SIN3A: variants seen among roughly 807,000 people sequenced by gnomAD.
The protein encoded by SIN3A is SIN3 transcription regulator family member A.
In SIN3A, 14 loss-of-function variants were observed where a neutral mutation model predicts 146.1. The observed-to-expected ratio is 0.10, with a 90% CI of 0.06 to 0.15. The LOEUF is 0.15. SIN3A is among the 10% of genes least tolerant of loss of function. The pLI is 1.00. For missense variants in SIN3A, 1,028 were observed against 1,576.0 expected, an observed-to-expected ratio of 0.65 and a Z score of 5.89; for synonymous variants, 572 against 572.0, an observed-to-expected ratio of 1.00 and a Z score of 0.00.
chr15:75,443,538 A>T (rs1463982393), intron 1 of SIN3A: 1 of 152,140 alleles, frequency 6.6e-6, no homozygotes, highest in African/African-American at 2.4e-5. Context: ...CAACATGGCG[A>T]AACGTTCTCT....
chr15:75,432,733 A>T (rs1379306130), intron 1 of SIN3A, among the ~76,000 whole-genome samples: 1 of 149,492 alleles, frequency 6.7e-6, no homozygotes, highest in Admixed American at 6.7e-5. Context: ...ATAGGGCAGC[A>T]CTGGGTTTAA....
intron 1 of SIN3A, among the ~76,000 whole-genome samples, chr15:75,445,771 A>G (rs1472291364): frequency 6.6e-6 from 1 of 151,826 alleles, no homozygotes; most frequent in South Asian, 2.1e-4. Context: ...AAAAAAAAAA[A>G]AAAAAAGAAA....
Position 75,422,685 on chromosome 15 carries a change from C to T in SIN3A, c.328G>A (p.Ala110Thr). ...QSHAHPAPPV[A>T]PVQGQQQFQR... ...AATTGCTGCTGTCCCTGCACTGGTG[C>T]AACTGGTGGGGCTGGATGAGCATGA... Residue 110 changes from alanine (A) to threonine (T), a missense_variant, in exon 3 of 21, where the codon GCA (alanine) becomes ACA (threonine). This residue lies in a region of SIN3A where 152 missense variants were observed against 231.5 expected (regional missense o/e 0.66). Coordinates refer to ENST00000394947, the MANE Select transcript of SIN3A (RefSeq NM_001145358.2). 6.2e-7 allele frequency: 1 copy of T among 1,614,194 alleles called. No homozygotes were observed. Among genetic ancestry groups the T allele is most frequent in the Non-Finnish European group, 8.5e-7 (1 of 1,180,036 alleles).
In SIN3A at chr15:75,380,649, C is replaced by T. The variant is rs561368760; in HGVS notation, c.3363G>A (p.Gln1121=). The change falls in exon 19 of 21, where the codon CAG becomes CAA. Residue 1121 remains glutamine (Q), a synonymous_variant. Coordinates refer to ENST00000394947, the MANE Select transcript of SIN3A (RefSeq NM_001145358.2). ...TSPELREHLA[Q]KPVFLPRNLR... is the part of the protein sequence containing the mutation. ...CTCACCTGGGGAGAAATACTGGTTT[C>T]TGTGCTAGATGTTCACGAAGCTCAG... The T allele has an allele frequency of 6.8e-6, 11 of 1,613,620 alleles. No individual in the cohort carries two copies. The South Asian group carries it at 9.9e-5, about 14-fold the overall frequency.
chr15:75,406,198 G>A (rs2073511426), intron 9 of SIN3A, among the ~76,000 whole-genome samples: 1 of 152,186 alleles, frequency 6.6e-6, no homozygotes, highest in Admixed American at 6.5e-5. Context: ...TAATCATCAA[G>A]TTGACTCCGA....
chr15:75,375,817 C>T lies in SIN3A; in HGVS notation c.3439G>A (p.Gly1147Arg). The change falls in exon 20 of 21, where the codon GGG (glycine) becomes AGG (arginine). Residue 1147 changes from glycine (G) to arginine (R), a missense_variant. Physicochemically the swap from Gly to Arg is moderately radical, Grantham distance 125. Coordinates refer to ENST00000394947, the MANE Select transcript of SIN3A (RefSeq NM_001145358.2). ...QRGREQQEKE[G>R]KEGNSKKTME... is the part of the protein sequence containing the mutation. Reference sequence around the variant, plus strand: ...GTCTTCTTGCTGTTTCCTTCCTTCCCTTCCTTTTCCTGCTGCTCTCGACCA... The same window carrying T: ...GTCTTCTTGCTGTTTCCTTCCTTCCTTTCCTTTTCCTGCTGCTCTCGACCA... 6.2e-7 allele frequency: 1 copy of T among 1,614,162 alleles called. No individual in the cohort carries two copies. The highest frequency in any genetic ancestry group is 1.3e-5 in the African/African-American group (1 of 75,026).
chr15:75,451,401 C>G (rs1475226609), intron 1 of SIN3A, 22 bp downstream of exon 1: 2 of 149,968 alleles, frequency 1.3e-5, no homozygotes, highest in African/African-American at 4.9e-5. Context: ...CCCGCCCGGC[C>G]CCCGGCCCAG....
At chr15:75,394,472 GA>G (rs1381556233) in intron 14 of SIN3A, among the ~76,000 whole-genome samples, 2 of 152,148 alleles carry the variant, frequency 1.3e-5, no homozygotes, top group Non-Finnish European at 2.9e-5. Flanking sequence ...AGTAAACTAG[GA>G]AACTAGTCAA....
chr15:75,452,638 A>G (rs2141655164), upstream of SIN3A, among the ~76,000 whole-genome samples: 1 of 152,332 alleles, frequency 6.6e-6, no homozygotes, highest in Admixed American at 6.5e-5. Context: ...AAGAGGGCGG[A>G]GATAACCAAA....
At chr15:75,413,199 C>T (rs564422465) in intron 4 of SIN3A, among the ~76,000 whole-genome samples, 154 bp from the exon 5 acceptor site, 11 of 152,224 alleles carry the variant, frequency 7.2e-5, no homozygotes, top group African/African-American at 2.6e-4. Context: ...TGGCTCACTG[C>T]AACCTCCACC....
Position 75,396,378 on chromosome 15 carries a change from C to T in SIN3A, c.1973G>A (p.Gly658Glu). The stretch of plus-strand genomic sequence containing the variant: ...TCTATGGATGACTTCTGATGTGCCC[C>T]CAAGGGTGTTGTCCAAGCGAAATTT... ...QAKFRLDNTLGGTSEVIHRKA... is the reference protein window; with the variant it reads ...QAKFRLDNTLEGTSEVIHRKA... Residue 658 changes from glycine to glutamate, a missense_variant, in exon 13 of 21, where the codon GGG (glycine) becomes GAG (glutamate). Gly to Glu is a moderately conservative substitution (Grantham distance 98). This residue lies in a region of SIN3A where 157 missense variants were observed against 284.8 expected (regional missense o/e 0.55). Transcript: ENST00000394947. 1.2e-6 allele frequency: 2 copies of T among 1,614,096 alleles called. No individual in the cohort carries two copies. Among genetic ancestry groups the T allele is most frequent in the Non-Finnish European group, 1.7e-6 (2 of 1,180,010 alleles).
At chr15:75,437,359 G>C (rs1309715064) in intron 1 of SIN3A, among the ~76,000 whole-genome samples, 1 of 152,006 alleles carries the variant, frequency 6.6e-6, no homozygotes, top group Non-Finnish European at 1.5e-5. Context: ...TAGAGACAGG[G>C]TCTCGATATG....
chr15:75,375,572 T>G, intron 20 of SIN3A, 93 bp downstream of exon 20: 1 of 996,368 alleles, frequency 1.0e-6, no homozygotes, highest in South Asian at 1.4e-5. Flanking sequence ...CAGGTTTGCA[T>G]AAACAAAGAA....
chr15:75,412,875 C>T lies in SIN3A; in HGVS notation c.644G>A (p.Gly215Asp), dbSNP rs766570442. ...TGGTGGTTGAGGCTGTGGCTGGATGCCATGGGTGGGAATCTGATGAACCTG... is the reference window on the plus strand; with the variant it reads ...TGGTGGTTGAGGCTGTGGCTGGATGTCATGGGTGGGAATCTGATGAACCTG... The part of the protein sequence containing the change: ...PGQVHQIPTH[G>D]IQPQPQPPPQ... Residue 215 changes from glycine (G) to aspartate (D), a missense_variant, in exon 5 of 21, where the codon GGC (glycine) becomes GAC (aspartate). Physicochemically the swap from Gly to Asp is moderately conservative, Grantham distance 94. Coordinates refer to ENST00000394947, the MANE Select transcript of SIN3A (RefSeq NM_001145358.2). 1 of 1,613,158 alleles carries T rather than the reference C, an allele frequency of 6.2e-7. No individual in the cohort carries two copies. Among genetic ancestry groups the T allele is most frequent in the Non-Finnish European group, 8.5e-7 (1 of 1,179,590 alleles).
At chr15:75,418,838 T>A (rs541926643) in intron 3 of SIN3A, among the ~76,000 whole-genome samples, 2 of 152,076 alleles carry the variant, frequency 1.3e-5, no homozygotes, top group African/African-American at 2.4e-5. Context: ...CACCGCAAGC[T>A]CTGCCTCCCG....
intron 2 of SIN3A, among the ~76,000 whole-genome samples, chr15:75,426,776 A>G (rs940441901): frequency 6.6e-6 from 1 of 152,124 alleles, no homozygotes; most frequent in Non-Finnish European, 1.5e-5. Flanking sequence ...TAGAAAAAAT[A>G]CAAAAATTAG....
At chr15:75,372,599 T>A (rs1417108964) in intron 20 of SIN3A, among the ~76,000 whole-genome samples, 4 of 151,802 alleles carry the variant, frequency 2.6e-5, no homozygotes, top group African/African-American at 4.8e-5. Flanking sequence ...AGGCAGGCAG[T>A]TCGCTTGAGC....
intron 1 of SIN3A, among the ~76,000 whole-genome samples, chr15:75,440,186 C>A (rs1045249202): frequency 1.1e-4 from 16 of 151,806 alleles, no homozygotes; most frequent in East Asian, 3.9e-4. Flanking sequence ...TTTAAAAAAA[C>A]CCCATATCGT....
intron 15 of SIN3A, among the ~76,000 whole-genome samples, chr15:75,390,437 C>T (rs1028716423): frequency 6.6e-6 from 1 of 152,322 alleles, no homozygotes; most frequent in South Asian, 2.1e-4. Flanking sequence ...AGTTGCTGCA[C>T]ATGAATCATT....
Sources: gnomAD v4.1 joint callset for allele counts (sites outside exome capture counted in the v4.1 genomes callset) on GRCh38, gnomAD v4.1.1 for gene constraint, gnomAD v4.1.1 regional missense constraint, MANE v1.5 for transcripts, NCBI Gene and HGNC (gene_info 2026-07-23, HGNC 2026-07-21) for gene names.